Variants in CNGB3 observed in about 807,000 individuals in gnomAD.
The protein encoded by CNGB3 is cyclic nucleotide-gated channel beta-3.
A neutral mutation model predicts 92.8 loss-of-function variants in CNGB3; 86 were observed. That is an observed-to-expected ratio of 0.93 (90% CI 0.78 to 1.11). The LOEUF is 1.11. Among genes scored for constraint, CNGB3 ranks in the 50% least tolerant of loss-of-function variants. CNGB3 has a pLI of 0.00. For synonymous variants in CNGB3, 333 were observed against 332.7 expected, an observed-to-expected ratio of 1.00 and a Z score of -0.01; for missense variants, 1,026 against 956.8, an observed-to-expected ratio of 1.07 and a Z score of -0.95.
chr8:86,715,439 G>A (rs1824833638), intron 3 of CNGB3, among the ~76,000 whole-genome samples: 1 of 151,982 alleles, frequency 6.6e-6, no homozygotes, highest in Non-Finnish European at 1.5e-5. Context: ...GACCCAGAAG[G>A]GCAAAAACAA....
intron 4 of CNGB3, among the ~76,000 whole-genome samples, chr8:86,669,638 A>G (rs1469619227): frequency 1.3e-5 from 2 of 152,210 alleles, no homozygotes; most frequent in Non-Finnish European, 2.9e-5. Flanking sequence ...TCTTCTGTTT[A>G]AAAAGAAACT....
chr8:86,619,579 C>T (rs1822686441), intron 13 of CNGB3, among the ~76,000 whole-genome samples: 1 of 151,902 alleles, frequency 6.6e-6, no homozygotes, highest in African/African-American at 2.4e-5. Flanking sequence ...CTAATTCCAC[C>T]TGCTTTGATT....
At chr8:86,691,122 T>C (rs914065109) in intron 3 of CNGB3, among the ~76,000 whole-genome samples, 1 of 152,142 alleles carries the variant, frequency 6.6e-6, no homozygotes, top group Non-Finnish European at 1.5e-5. Context: ...TGTTTTGTTT[T>C]GTTTTTGCAC....
intron 2 of CNGB3, among the ~76,000 whole-genome samples, chr8:86,736,750 TAA>T (rs373572014): frequency 6.8e-6 from 1 of 147,474 alleles, no homozygotes; most frequent in African/African-American, 2.5e-5. Context: ...CAATTACTGA[TAA>T]AAAAAAAAGG....
chr8:86,667,299 G>C (rs1297871543), intron 5 of CNGB3, among the ~76,000 whole-genome samples, 166 bp from the exon 6 acceptor site: 1 of 152,136 alleles, frequency 6.6e-6, no homozygotes, highest in Non-Finnish European at 1.5e-5. Flanking sequence ...GTGAGGCTCC[G>C]GGCTTTACAA....
intron 3 of CNGB3, among the ~76,000 whole-genome samples, chr8:86,697,902 T>C (rs1824480558): frequency 6.6e-6 from 1 of 152,062 alleles, no homozygotes; most frequent in African/African-American, 2.4e-5. Flanking sequence ...TTTGGTTTTC[T>C]GTCCTTGCGA....
At chr8:86,648,734 AT>A (rs1823339949) in intron 7 of CNGB3, among the ~76,000 whole-genome samples, 1 of 151,202 alleles carries the variant, frequency 6.6e-6, no homozygotes, top group East Asian at 1.9e-4. Context: ...TTTTAAGACA[AT>A]TAAGAGCAGT....
chr8:86,625,144 A>AT lies in CNGB3; in HGVS notation c.1578+838dup, dbSNP rs202178260. On this transcript the variant is annotated intron_variant, in intron 13 of 17. Coordinates refer to ENST00000320005, the MANE Select transcript of CNGB3 (RefSeq NM_019098.5). The stretch of plus-strand genomic sequence containing the variant: ...CTTTAGAAATTACCCAGTCTCAGGT[A>AT]TTTTTTTTTAATAGCAATGTGAGAA... Among the ~76,000 whole-genome samples, 498 of 151,508 alleles carry AT rather than the reference A, an allele frequency of 3.3e-3. 1 individual carries two copies. Among genetic ancestry groups the AT allele is most frequent in the African/African-American group, 0.011 (457 of 41,316 alleles).
chr8:86,672,060 AAAT>A (rs1465723713), intron 3 of CNGB3, among the ~76,000 whole-genome samples: 1 of 152,148 alleles, frequency 6.6e-6, no homozygotes, highest in African/African-American at 2.4e-5. Flanking sequence ...GGCAATAGAA[AAAT>A]AATGCAGCTG....
At chr8:86,640,492 C>T (rs529567298) in intron 10 of CNGB3, among the ~76,000 whole-genome samples, 2 of 152,176 alleles carry the variant, frequency 1.3e-5, no homozygotes, top group East Asian at 1.9e-4. Flanking sequence ...AAGGAAGTCC[C>T]CTCTACTTTA....
chr8:86,739,466 T>G (rs1825302895), intron 2 of CNGB3, among the ~76,000 whole-genome samples, 189 bp downstream of exon 2: 2 of 152,348 alleles, frequency 1.3e-5, no homozygotes, highest in South Asian at 2.1e-4. Context: ...ATGCATCTAT[T>G]GCATGGACAA....
At chr8:86,714,205 ACT>A (rs1158103774) in intron 3 of CNGB3, among the ~76,000 whole-genome samples, 2 of 151,932 alleles carry the variant, frequency 1.3e-5, no homozygotes, top group Non-Finnish European at 2.9e-5. Flanking sequence ...CCAGGCAACC[ACT>A]GTTTTTCTTT....
intron 7 of CNGB3, among the ~76,000 whole-genome samples, chr8:86,653,520 G>T (rs1823445026): frequency 6.6e-6 from 1 of 152,008 alleles, no homozygotes; most frequent in East Asian, 1.9e-4. Flanking sequence ...ATTTCTCAGA[G>T]AACAAAGTAC....
At chr8:86,589,229 T>C (rs1346511204) in intron 15 of CNGB3, among the ~76,000 whole-genome samples, 1 of 150,832 alleles carries the variant, frequency 6.6e-6, no homozygotes, top group African/African-American at 2.4e-5. Flanking sequence ...TCTTCTCTCT[T>C]TTTTTCTTTA....
intron 2 of CNGB3, among the ~76,000 whole-genome samples, chr8:86,736,750 TA>T (rs373572014): frequency 0.014 from 2,111 of 147,482 alleles, 39 homozygotes; most frequent in African/African-American, 0.041. Context: ...CAATTACTGA[TA>T]AAAAAAAAAG....
intron 6 of CNGB3, chr8:86,657,491 A>G: frequency 5.8e-6 from 3 of 513,962 alleles, no homozygotes; most frequent in South Asian, 4.4e-5. Context: ...CTCAGGAAGC[A>G]GTTGCATAAT....
At position 86,683,803 on chromosome 8, in the gene CNGB3, T is replaced by G. The variant is rs79442935; in HGVS notation, c.339-12705A>C. ...ACGGCCATAGGCAAGAAAAGTGAAC[T>G]TCAACCTAAACCTACACCTTATACA... On this transcript the variant is annotated intron_variant, in intron 3 of 17. Coordinates refer to ENST00000320005, the MANE Select transcript of CNGB3 (RefSeq NM_019098.5). Among the ~76,000 whole-genome samples the G allele has an allele frequency of 4.1e-3, 623 of 152,232 alleles. 36 individuals carry two copies. In the East Asian group the frequency reaches 0.11, roughly 26 times the overall value.
chr8:86,667,830 A>T (rs911460545), intron 5 of CNGB3, among the ~76,000 whole-genome samples, 189 bp downstream of exon 5: 1 of 152,186 alleles, frequency 6.6e-6, no homozygotes, highest in African/African-American at 2.4e-5. Flanking sequence ...ATAGGCAGGA[A>T]TATTGTATTT....
At chr8:86,643,652 G>T in intron 10 of CNGB3, 99 bp downstream of exon 10, 1 of 1,351,380 alleles carries the variant, frequency 7.4e-7, no homozygotes, top group Non-Finnish European at 1.0e-6. Flanking sequence ...CATTGAATGG[G>T]TTATGACAGC....
Sources: allele counts gnomAD v4.1 joint callset (sites outside exome capture counted in the v4.1 genomes callset), GRCh38; gene constraint gnomAD v4.1.1; transcripts MANE v1.5; gene names NCBI Gene and HGNC (gene_info 2026-07-23, HGNC 2026-07-21).